Variants in PHACTR1 observed in about 807,000 individuals in gnomAD.
The protein encoded by PHACTR1 is phosphatase and actin regulator 1, also known as RPEL repeat containing 1.
A neutral mutation model predicts 69.2 loss-of-function variants in PHACTR1; 16 were observed. That is an observed-to-expected ratio of 0.23 (90% CI 0.16 to 0.35). The LOEUF is 0.35. Ranked by LOEUF, PHACTR1 falls within the 10% of genes least tolerant of loss-of-function variation. PHACTR1 has a pLI of 1.00. For missense variants in PHACTR1, 510 were observed against 734.7 expected (o/e 0.69, Z 3.54); for synonymous variants, 312 against 284.5 (o/e 1.10, Z -0.97).
chr6:12,741,151 C>T (rs1196689293), intron 3 of PHACTR1, among the ~76,000 whole-genome samples: 1 of 151,954 alleles, frequency 6.6e-6, no homozygotes, highest in Non-Finnish European at 1.5e-5. Flanking sequence ...AATGTCCCAA[C>T]CAGCACTGTT....
chr6:12,978,466 C>T (rs1051343032), intron 4 of PHACTR1, among the ~76,000 whole-genome samples: 4 of 152,188 alleles, frequency 2.6e-5, no homozygotes, highest in African/African-American at 9.7e-5. Context: ...GCCTGCTGCC[C>T]TGCTCTGCCT....
At chr6:12,836,427 G>T (rs1476263111) in intron 4 of PHACTR1, among the ~76,000 whole-genome samples, 2 of 152,142 alleles carry the variant, frequency 1.3e-5, no homozygotes, top group African/African-American at 4.8e-5. Flanking sequence ...TTGTTATCAG[G>T]ATTATTCCCT....
chr6:12,759,352 C>T (rs1767763531), intron 4 of PHACTR1, among the ~76,000 whole-genome samples: 1 of 151,862 alleles, frequency 6.6e-6, no homozygotes, highest in African/African-American at 2.4e-5. Context: ...TTATGACCTA[C>T]CTAAATGACT....
chr6:12,834,316 G>A (rs1777917458), intron 4 of PHACTR1, among the ~76,000 whole-genome samples: 1 of 152,050 alleles, frequency 6.6e-6, no homozygotes, highest in Non-Finnish European at 1.5e-5. Context: ...GGACCTGATT[G>A]GCATAATACA....
At chr6:12,732,074 T>C (rs1465399469) in intron 3 of PHACTR1, among the ~76,000 whole-genome samples, 2 of 151,898 alleles carry the variant, frequency 1.3e-5, no homozygotes, top group African/African-American at 4.8e-5. Context: ...TTGGAGTTCC[T>C]GGGAGGTGGG....
Position 13,259,745 on chromosome 6 carries a change from C to A in PHACTR1, c.1392-13115C>A, listed in dbSNP as rs192620870. ...CCTTCTGATGAGTGGTGCAGGCAGG[C>A]CAGGATGCGGGCCTCAGGGCCCCAG... is the stretch of plus-strand genomic sequence containing the variant. On this transcript the variant is annotated intron_variant, in intron 10 of 14. Transcript: ENST00000332995. Among the ~76,000 whole-genome samples, 54 of 152,234 alleles carry A rather than the reference C, an allele frequency of 3.5e-4. 1 individual carries two copies. The highest frequency in any genetic ancestry group is 4.4e-5 in the Non-Finnish European group (3 of 68,028).
At chr6:12,819,213 G>A (rs1311681515) in intron 4 of PHACTR1, among the ~76,000 whole-genome samples, 2 of 152,124 alleles carry the variant, frequency 1.3e-5, no homozygotes, top group Non-Finnish European at 1.5e-5. Context: ...GTCTTTTGGG[G>A]CTTCTCGTTT....
intron 5 of PHACTR1, among the ~76,000 whole-genome samples, chr6:13,100,028 G>A (rs1482627680): frequency 6.6e-6 from 1 of 152,146 alleles, no homozygotes; most frequent in African/African-American, 2.4e-5. Flanking sequence ...AACCCTGGTG[G>A]TGAGGGAAAG....
intron 4 of PHACTR1, chr6:12,934,101 T>C: frequency 2.1e-6 from 2 of 972,246 alleles, no homozygotes; most frequent in Non-Finnish European, 2.9e-6. Flanking sequence ...AAGAACCTTC[T>C]TGTGTCTTCC....
chr6:12,884,957 C>T (rs1193648122), intron 4 of PHACTR1, among the ~76,000 whole-genome samples: 1 of 152,184 alleles, frequency 6.6e-6, no homozygotes, highest in Middle Eastern at 3.2e-3. Flanking sequence ...GTGGAGTTTT[C>T]TCGATAATTT....
chr6:12,858,807 TACAC>T (rs35797103), intron 4 of PHACTR1, among the ~76,000 whole-genome samples: 18 of 149,500 alleles, frequency 1.2e-4, no homozygotes, highest in South Asian at 6.3e-4. Flanking sequence ...AACACATACA[TACAC>T]ACACACACAC....
chr6:13,195,120 C>T (rs992247005), intron 7 of PHACTR1, among the ~76,000 whole-genome samples: 2 of 152,176 alleles, frequency 1.3e-5, no homozygotes, highest in African/African-American at 4.8e-5. Flanking sequence ...CCTAGGCGGG[C>T]CTCGTGTTCT....
At chr6:13,266,736 G>A (rs983606303) in intron 10 of PHACTR1, 7 of 152,238 alleles carry the variant, frequency 4.6e-5, no homozygotes, top group South Asian at 4.1e-4. Context: ...CAGATCTCGC[G>A]AGAATGCACT....
At chr6:13,080,677 T>A (rs1811229118) in intron 5 of PHACTR1, among the ~76,000 whole-genome samples, 1 of 152,194 alleles carries the variant, frequency 6.6e-6, no homozygotes, top group Admixed American at 6.6e-5. Flanking sequence ...CAGCCAGGAA[T>A]GCTGTCTGTG....
At position 12,740,164 on chromosome 6, in the gene PHACTR1, GT is replaced by G. The variant is rs531478062; in HGVS notation, c.104-9470del. On this transcript the variant is annotated intron_variant, in intron 3 of 14. Coordinates refer to ENST00000332995, the MANE Select transcript of PHACTR1 (RefSeq NM_030948.6). ...GTCCTTGTTGCTGCATGTAGCAGTAGTTTTTTTTTTATGTCTGACAATGTAT... is the reference window on the plus strand; with the variant it reads ...GTCCTTGTTGCTGCATGTAGCAGTAGTTTTTTTTTATGTCTGACAATGTAT... 1.1e-3 allele frequency among the ~76,000 whole-genome samples: 163 copies of G among 149,032 alleles called. 1 individual carries two copies. In the South Asian group the frequency reaches 0.018, roughly 16 times the overall value.
At chr6:13,133,852 G>A (rs934743945) in intron 5 of PHACTR1, among the ~76,000 whole-genome samples, 2 of 151,114 alleles carry the variant, frequency 1.3e-5, no homozygotes, top group African/African-American at 4.9e-5. Flanking sequence ...GAAGTGAGGA[G>A]CGCCTCTTCC....
chr6:13,185,033 C>T (rs1762662461), intron 7 of PHACTR1: 1 of 1,330,520 alleles, frequency 7.5e-7, no homozygotes, highest in Non-Finnish European at 1.0e-6. Context: ...CTGGGGCAAG[C>T]AGTCCCTCCT....
At chr6:13,247,893 C>T (rs1348697924) in intron 10 of PHACTR1, among the ~76,000 whole-genome samples, 5 of 152,106 alleles carry the variant, frequency 3.3e-5, no homozygotes, top group East Asian at 1.9e-4. Context: ...TTTTAAATGA[C>T]GTTATGAAGG....
chr6:12,862,126 T>C (rs1431329582), intron 4 of PHACTR1, among the ~76,000 whole-genome samples: 1 of 152,104 alleles, frequency 6.6e-6, no homozygotes. Flanking sequence ...AATTCTAATA[T>C]AATATGGAAG....
Sources: allele counts gnomAD v4.1 joint callset (sites outside exome capture counted in the v4.1 genomes callset), GRCh38; gene constraint gnomAD v4.1.1; transcripts MANE v1.5; gene names NCBI Gene and HGNC (gene_info 2026-07-23, HGNC 2026-07-21).